PLXNA4: variants seen among roughly 807,000 people sequenced by gnomAD.
PLXNA4 encodes the protein plexin A4.
A neutral mutation model predicts 191.8 loss-of-function variants in PLXNA4; 44 were observed. The observed-to-expected ratio is 0.23, with a 90% CI of 0.18 to 0.29. PLXNA4 has a LOEUF of 0.29. PLXNA4 is among the 10% of genes least tolerant of loss of function. PLXNA4 has a pLI of 1.00. For missense variants in PLXNA4, 1,800 were observed against 2,488.8 expected, an observed-to-expected ratio of 0.72 and a Z score of 5.89; for synonymous variants, 1,082 against 1,009.5, an observed-to-expected ratio of 1.07 and a Z score of -1.36.
intron 31 of PLXNA4, among the ~76,000 whole-genome samples, chr7:132,131,496 C>T (rs766341309): frequency 1.6e-4 from 24 of 151,822 alleles, no homozygotes; most frequent in Non-Finnish European, 2.6e-4. Context: ...GTTTGAGGGG[C>T]AGGGAAAAGA....
intron 4 of PLXNA4, among the ~76,000 whole-genome samples, chr7:132,246,043 T>G (rs1228489138): frequency 6.6e-6 from 1 of 152,214 alleles, no homozygotes; most frequent in East Asian, 1.9e-4. Flanking sequence ...TGAGTGTACT[T>G]ACAAATGCAC....
At chr7:132,435,397 T>C (rs1190916958) in intron 3 of PLXNA4, among the ~76,000 whole-genome samples, 2 of 152,100 alleles carry the variant, frequency 1.3e-5, no homozygotes, top group Non-Finnish European at 2.9e-5. Flanking sequence ...CAGCCTGTTC[T>C]AATCGGCCCC....
chr7:132,540,777 C>T (rs1039811707), intron 1 of PLXNA4, among the ~76,000 whole-genome samples: 32 of 151,260 alleles, frequency 2.1e-4, no homozygotes, highest in Admixed American at 3.3e-4. Flanking sequence ...TTAGTAGAGA[C>T]GGTGTTTCAC....
chr7:132,202,605 G>A (rs1293306162), intron 12 of PLXNA4, 41 bp downstream of exon 12: 7 of 1,436,542 alleles, frequency 4.9e-6, no homozygotes, highest in Admixed American at 2.5e-5. Context: ...CAGCAGCCTG[G>A]AGCCTGCCCA....
chr7:132,502,586 C>A (rs575453394), intron 2 of PLXNA4, among the ~76,000 whole-genome samples: 1 of 152,124 alleles, frequency 6.6e-6, no homozygotes, highest in Non-Finnish European at 1.5e-5. Flanking sequence ...ATCAGGCAGT[C>A]CCTGCACCAA....
chr7:132,263,635 G>C (rs1799737430), intron 4 of PLXNA4, among the ~76,000 whole-genome samples: 2 of 152,234 alleles, frequency 1.3e-5, no homozygotes, highest in African/African-American at 4.8e-5. Context: ...TTTTGTGGGA[G>C]AGAAAACTAA....
intron 1 of PLXNA4, among the ~76,000 whole-genome samples, chr7:132,554,375 G>A (rs1366103979): frequency 6.6e-6 from 1 of 152,134 alleles, no homozygotes; most frequent in Non-Finnish European, 1.5e-5. Context: ...ACCAGAGCCG[G>A]ACTCTCTGCT....
At chr7:132,311,202 G>GTGTGC (rs1554411105) in intron 3 of PLXNA4, among the ~76,000 whole-genome samples, 1 of 151,068 alleles carries the variant, frequency 6.6e-6, no homozygotes, top group African/African-American at 2.4e-5. Context: ...GTGCGCGTGT[G>GTGTGC]GCCTAAAGGA....
chr7:132,406,872 G>A (rs1421490496), intron 3 of PLXNA4, among the ~76,000 whole-genome samples: 1 of 152,168 alleles, frequency 6.6e-6, no homozygotes, highest in East Asian at 1.9e-4. Context: ...TTGCAGAGAA[G>A]GTTGAGTGGG....
chr7:132,171,310 G>C (rs1796279548), intron 21 of PLXNA4, among the ~76,000 whole-genome samples: 1 of 152,242 alleles, frequency 6.6e-6, no homozygotes, highest in African/African-American at 2.4e-5. Context: ...AGCTATTGCA[G>C]CTATTCCAAG....
chr7:132,647,903 G>A (rs940555487), intron 1 of PLXNA4, among the ~76,000 whole-genome samples: 7 of 149,078 alleles, frequency 4.7e-5, no homozygotes, highest in African/African-American at 1.7e-4. Context: ...ATATACTCAC[G>A]AACACACACT....
chr7:132,519,853 C>T (rs950855789), intron 1 of PLXNA4, among the ~76,000 whole-genome samples: 2 of 152,216 alleles, frequency 1.3e-5, no homozygotes, highest in Non-Finnish European at 2.9e-5. Flanking sequence ...TAAGTGACAG[C>T]CTTTCTTTCT....
intron 2 of PLXNA4, among the ~76,000 whole-genome samples, chr7:132,497,271 A>G (rs1328943079): frequency 6.6e-6 from 1 of 152,232 alleles, no homozygotes; most frequent in East Asian, 1.9e-4. Flanking sequence ...TCATGTCTAA[A>G]TGCAGGCTCC....
chr7:132,131,870 G>A (rs1325822943), intron 31 of PLXNA4, among the ~76,000 whole-genome samples: 3 of 152,254 alleles, frequency 2.0e-5, no homozygotes, highest in Non-Finnish European at 4.4e-5. Flanking sequence ...CTCCCATGAT[G>A]TAAGGGCCAC....
chr7:132,368,394 G>A (rs1804282485), intron 3 of PLXNA4, among the ~76,000 whole-genome samples: 1 of 152,148 alleles, frequency 6.6e-6, no homozygotes, highest in Admixed American at 6.5e-5. Context: ...ACAGATCCTG[G>A]CTCCCTGTCG....
chr7:132,629,410 T>C (rs1430820558), intron 2 of PLXNA4, among the ~76,000 whole-genome samples: 10 of 152,342 alleles, frequency 6.6e-5, no homozygotes, highest in Admixed American at 2.0e-4. Context: ...TATTCTATTA[T>C]TCTAATGCTG....
At chr7:132,617,118 C>T (rs1214085524) in intron 2 of PLXNA4, among the ~76,000 whole-genome samples, 1 of 152,302 alleles carries the variant, frequency 6.6e-6, no homozygotes, top group East Asian at 1.9e-4. Context: ...GTTACATCAG[C>T]ACAACCTAGC....
At chr7:132,272,350 C>T (rs1800109466) in intron 4 of PLXNA4, among the ~76,000 whole-genome samples, 1 of 152,184 alleles carries the variant, frequency 6.6e-6, no homozygotes, top group Non-Finnish European at 1.5e-5. Context: ...AGTTTCTCAT[C>T]TGTAAAATGG....
chr7:132,543,398 T>A (rs1800164562), intron 1 of PLXNA4, among the ~76,000 whole-genome samples: 1 of 152,226 alleles, frequency 6.6e-6, no homozygotes, highest in South Asian at 2.1e-4. Flanking sequence ...AAAAGTCTAA[T>A]CCCTCTGATT....
Sources: gnomAD v4.1 joint callset for allele counts (sites outside exome capture counted in the v4.1 genomes callset) on GRCh38, gnomAD v4.1.1 for gene constraint, MANE v1.5 for transcripts, NCBI Gene and HGNC (gene_info 2026-07-23, HGNC 2026-07-21) for gene names.